AGPAT4: variants seen among roughly 807,000 people sequenced by gnomAD.
AGPAT4 encodes 1-acyl-sn-glycerol-3-phosphate acyltransferase delta.
In AGPAT4, 15 loss-of-function variants were observed where a neutral mutation model predicts 48.0. The observed-to-expected ratio is 0.31, with a 90% confidence interval of 0.21 to 0.48. The LOEUF (loss-of-function observed/expected upper bound fraction) is 0.48, where lower values mean the gene tolerates loss of function less well. Ranked by LOEUF, AGPAT4 falls within the 20% of genes least tolerant of loss-of-function variation. The pLI is 0.99. For missense variants in AGPAT4, 314 were observed against 482.5 expected (o/e 0.65, Z 3.27); for synonymous variants, 178 against 198.7 (o/e 0.90, Z 0.88).
intron 2 of AGPAT4, among the ~76,000 whole-genome samples, chr6:161,199,469 A>T (rs1248781004): frequency 6.6e-6 from 1 of 152,196 alleles, no homozygotes; most frequent in African/African-American, 2.4e-5. Context: ...ATTGTTTCTT[A>T]AGGGAATGAC....
intron 2 of AGPAT4, among the ~76,000 whole-genome samples, chr6:161,183,653 G>GGAGGGGAGGA (rs1780667977): frequency 1.2e-5 from 1 of 83,780 alleles, no homozygotes; most frequent in African/African-American, 5.1e-5. Context: ...GGAGGAGAGG[G>GGAGGGGAGGA]GAGGGGAGGA....
Position 161,259,142 on chromosome 6 carries a change from G to A in AGPAT4, c.-90+14796C>T, listed in dbSNP as rs546881522. On this transcript the variant is annotated intron_variant, in intron 1 of 8. Coordinates refer to ENST00000320285, the MANE Select transcript of AGPAT4 (RefSeq NM_020133.3). This position sits in a 1 kb window ranked among gnomAD's most constrained non-coding sequence, Gnocchi z 4.9. Reference sequence around the variant, plus strand: ...CAAATAAAAATTGTACATATTTATGGTGTACAACATAATGTTATGATATAC... The same window carrying A: ...CAAATAAAAATTGTACATATTTATGATGTACAACATAATGTTATGATATAC... Among the ~76,000 whole-genome samples, 3 of 152,220 alleles carry A rather than the reference G, an allele frequency of 2.0e-5. No individual in the cohort carries two copies. The highest frequency in any genetic ancestry group is 2.1e-4 in the South Asian group (1 of 4,818).
chr6:161,228,436 C>G (rs1782037764), intron 2 of AGPAT4, among the ~76,000 whole-genome samples: 1 of 152,138 alleles, frequency 6.6e-6, no homozygotes, highest in African/African-American at 2.4e-5. Context: ...GCTCATAGAG[C>G]CTGTTCACAG....
In AGPAT4 at chr6:161,266,960, A is replaced by T. The variant is rs1157571248; in HGVS notation, c.-90+6978T>A. Among the ~76,000 whole-genome samples the T allele has an allele frequency of 2.6e-5, 4 of 152,212 alleles. No homozygotes were observed. The highest frequency in any genetic ancestry group is 2.0e-4 in the Admixed American group (3 of 15,282). On this transcript the variant is annotated intron_variant, in intron 1 of 8. Transcript: ENST00000320285. The surrounding 1 kb of genome is among the most constrained non-coding windows in gnomAD (Gnocchi z 6.2). ...GAGTTGATCTAAGATAAGCACTGGC[A>T]GGGTCTTTGCAGATAATAATCTGCC... is the stretch of plus-strand genomic sequence containing the variant.
rs1779446874 is a variant in AGPAT4 at position 161,146,849 on chromosome 6, G to C, written c.768-250C>G. Reference sequence around the variant, plus strand: ...TCAATGGCACAGACAGATGCTGTGAGAACAGGGGACACCTGCCTCATTCCG... The same window carrying C: ...TCAATGGCACAGACAGATGCTGTGACAACAGGGGACACCTGCCTCATTCCG... On this transcript the variant is annotated intron_variant, in intron 6 of 8. Coordinates refer to ENST00000320285, the MANE Select transcript of AGPAT4 (RefSeq NM_020133.3). The surrounding 1 kb of genome is among the most constrained non-coding windows in gnomAD (Gnocchi z 7.1). Among the ~76,000 whole-genome samples, 1 of 152,170 alleles carries C rather than the reference G, an allele frequency of 6.6e-6. No homozygotes were observed. The highest frequency in any genetic ancestry group is 2.1e-4 in the South Asian group (1 of 4,834).
At position 161,196,922 on chromosome 6, in the gene AGPAT4, G is replaced by A. The variant is rs1781085131; in HGVS notation, c.179-30505C>T. 1.3e-5 allele frequency among the ~76,000 whole-genome samples: 2 copies of A among 152,040 alleles called. No individual in the cohort carries two copies. Among genetic ancestry groups the A allele is most frequent in the Non-Finnish European group, 1.5e-5 (1 of 68,028 alleles). On this transcript the variant is annotated intron_variant, in intron 2 of 8. Coordinates refer to ENST00000320285, the MANE Select transcript of AGPAT4 (RefSeq NM_020133.3). The surrounding 1 kb of genome is among the most constrained non-coding windows in gnomAD (Gnocchi z 4.3). Reference sequence around the variant, plus strand: ...GACTTGCTCACTGACCAAACATTTGGGCACTTACTGGGTGCCCGGAACTGC... The same window carrying A: ...GACTTGCTCACTGACCAAACATTTGAGCACTTACTGGGTGCCCGGAACTGC...
In AGPAT4 at chr6:161,165,578, T is replaced by G; in HGVS notation, c.348+670A>C. 1 of 1,295,534 alleles carries G rather than the reference T, an allele frequency of 7.7e-7. No individual in the cohort carries two copies. Among genetic ancestry groups the G allele is most frequent in the South Asian group, 1.2e-5 (1 of 80,462 alleles). The allele number at this position is 1,295,534 out of a possible 1,614,324, so 80.3% of individuals were successfully genotyped here. ...TACACTGTGATTCCTACGGAATACC[T>G]GAGTACCGCAGATGACTCTGATTCA... On this transcript the variant is annotated intron_variant, in intron 3 of 8. Transcript: ENST00000320285. The surrounding 1 kb of genome is among the most constrained non-coding windows in gnomAD (Gnocchi z 5.5).
rs1193814086 is a variant in AGPAT4, at chr6:161,133,834, GCT to G, written c.*2704_*2705del. ...GTGGGAAAGACAGACAGGAAGTGTAGCTCTTAGTCTATGGGGCTCTCCTTAGG... is the reference window on the plus strand; with the variant it reads ...GTGGGAAAGACAGACAGGAAGTGTAGCTTAGTCTATGGGGCTCTCCTTAGG... On this transcript the variant is annotated 3_prime_UTR_variant, in exon 9 of 9. Coordinates refer to ENST00000320285, the MANE Select transcript of AGPAT4 (RefSeq NM_020133.3). 1.3e-5 allele frequency: 2 copies of G among 152,190 alleles called. No homozygotes were observed. The highest frequency in any genetic ancestry group is 4.8e-5 in the African/African-American group (2 of 41,442). The allele number at this position is 152,190 out of a possible 1,614,324, so 9.4% of individuals were successfully genotyped here.
chr6:161,173,353 G>T (rs1780335180), intron 2 of AGPAT4, among the ~76,000 whole-genome samples: 1 of 152,194 alleles, frequency 6.6e-6, no homozygotes, highest in Non-Finnish European at 1.5e-5. Context: ...ACATGAGATG[G>T]CATATCATTG....
At position 161,149,218 on chromosome 6, in the gene AGPAT4, C is replaced by T. The variant is rs767083784; in HGVS notation, c.736G>A (p.Gly246Arg). 6.2e-7 allele frequency: 1 copy of T among 1,613,450 alleles called. No homozygotes were observed. Among genetic ancestry groups the T allele is most frequent in the African/African-American group, 1.3e-5 (1 of 74,914 alleles). Residue 246 changes from glycine to arginine, a missense_variant, in exon 6 of 9, where the codon GGA becomes AGA. By Grantham distance (125) the Gly-to-Arg change is moderately radical. Transcript: ENST00000320285. The surrounding 1 kb of genome is among the most constrained non-coding windows in gnomAD (Gnocchi z 6.5). Reference sequence around the variant, plus strand: ...TACAAATCTGCATGGTATTTCTTTCCGTTTAGGACTCCCAGCAGTGTTGGA... The same window carrying T: ...TACAAATCTGCATGGTATTTCTTTCTGTTTAGGACTCCCAGCAGTGTTGGA... ...ENPTLLGVLN[G>R]KKYHADLYVR...
Position 161,229,613 on chromosome 6 carries a change from C to A in AGPAT4, c.178+2423G>T, listed in dbSNP as rs985157810. Among the ~76,000 whole-genome samples the A allele has an allele frequency of 1.1e-4, 17 of 152,088 alleles. No individual in the cohort carries two copies. Among genetic ancestry groups the A allele is most frequent in the African/African-American group, 3.1e-4 (13 of 41,408 alleles). On this transcript the variant is annotated intron_variant, in intron 2 of 8. Coordinates refer to ENST00000320285, the MANE Select transcript of AGPAT4 (RefSeq NM_020133.3). This position sits in a 1 kb window ranked among gnomAD's most constrained non-coding sequence, Gnocchi z 6.0. ...GGATACCAGAAACGGAGAATCCTGG[C>A]GAGGATTCTCTCAAACCTGGGGATA...
At chr6:161,241,451 C>T (rs1168608531) in intron 1 of AGPAT4, among the ~76,000 whole-genome samples, 1 of 152,110 alleles carries the variant, frequency 6.6e-6, no homozygotes, top group South Asian at 2.1e-4. Flanking sequence ...TAATAACTAA[C>T]CTTTAGTCCC....
intron 2 of AGPAT4, among the ~76,000 whole-genome samples, chr6:161,181,133 G>A (rs577051114): frequency 1.4e-4 from 21 of 152,286 alleles, no homozygotes; most frequent in African/African-American, 3.8e-4. Context: ...GGAATAAACA[G>A]AAAGGTGCCT....
chr6:161,210,477 A>G (rs575336013), intron 2 of AGPAT4, among the ~76,000 whole-genome samples: 4 of 152,310 alleles, frequency 2.6e-5, no homozygotes, highest in African/African-American at 9.6e-5. Flanking sequence ...CTATGTATTT[A>G]TGTGTTGTGT....
In AGPAT4 at chr6:161,180,927, G is replaced by A. The variant is rs760063859; in HGVS notation, c.179-14510C>T. Among the ~76,000 whole-genome samples, 12 of 152,092 alleles carry A rather than the reference G, an allele frequency of 7.9e-5. No individual in the cohort carries two copies. Among genetic ancestry groups the A allele is most frequent in the Non-Finnish European group, 1.5e-4 (10 of 68,018 alleles). ...GTTCAGCTTAAGAGATTACTAATAG[G>A]AAAAAGAAGTAGATAGACAAAAACA... is the stretch of plus-strand genomic sequence containing the variant. On this transcript the variant is annotated intron_variant, in intron 2 of 8. Transcript: ENST00000320285. This position sits in a 1 kb window ranked among gnomAD's most constrained non-coding sequence, Gnocchi z 6.4.
chr6:161,160,166 T>C (rs1404384309), intron 3 of AGPAT4: 1 of 143,702 alleles, frequency 7.0e-6, no homozygotes, highest in Non-Finnish European at 1.5e-5. Context: ...TTCAACATGT[T>C]GGCCAGGTTG....
Position 161,259,068 on chromosome 6 carries a change from G to A in AGPAT4, c.-90+14870C>T, listed in dbSNP as rs1783028095. On this transcript the variant is annotated intron_variant, in intron 1 of 8. Transcript: ENST00000320285. This position sits in a 1 kb window ranked among gnomAD's most constrained non-coding sequence, Gnocchi z 4.9. ...CCGCCTCAGCCTCCCAAAGTGCTGG[G>A]ATTACAGGTGTGAGCCACGGTACCC... 6.6e-6 allele frequency among the ~76,000 whole-genome samples: 1 copy of A among 152,072 alleles called. No homozygotes were observed.
chr6:161,210,860 T>C (rs1781504041), intron 2 of AGPAT4, among the ~76,000 whole-genome samples: 1 of 152,336 alleles, frequency 6.6e-6, no homozygotes, highest in Non-Finnish European at 1.5e-5. Context: ...AAGACATTAA[T>C]ATTGGTTAAA....
rs1779469656 is a variant in AGPAT4, at chr6:161,147,621, C to G, written c.768-1022G>C. ...GTATTGTACAGAGGTAAGTTTTTCA[C>G]ATAATTAGAACTTACCCCATAAGCT... On this transcript the variant is annotated intron_variant, in intron 6 of 8. Coordinates refer to ENST00000320285, the MANE Select transcript of AGPAT4 (RefSeq NM_020133.3). The surrounding 1 kb of genome is among the most constrained non-coding windows in gnomAD (Gnocchi z 4.8). 6.6e-6 allele frequency among the ~76,000 whole-genome samples: 1 copy of G among 152,200 alleles called. No homozygotes were observed. Among genetic ancestry groups the G allele is most frequent in the Non-Finnish European group, 1.5e-5 (1 of 68,040 alleles).
Sources: gnomAD v4.1 joint callset for allele counts (sites outside exome capture counted in the v4.1 genomes callset) on GRCh38, gnomAD v4.1.1 for gene constraint, Gnocchi (gnomAD v3.1) non-coding constraint, MANE v1.5 for transcripts, NCBI Gene and HGNC (gene_info 2026-07-23, HGNC 2026-07-21) for gene names.